The following CSMD2 variants were observed in gnomAD, a reference collection of about 807,000 sequenced individuals.
CSMD2 encodes the protein CUB and Sushi multiple domains 2.
Under a neutral mutation model 398.5 loss-of-function variants are expected in CSMD2, and 130 were observed. That is an observed-to-expected ratio of 0.33 (90% CI 0.28 to 0.38). The LOEUF (loss-of-function observed/expected upper bound fraction) is 0.38. CSMD2 is among the 10% of genes least tolerant of loss of function. The pLI is 1.00. For missense variants in CSMD2, 3,829 were observed against 4,764.9 expected (o/e 0.80, Z 5.78); for synonymous variants, 1,828 against 1,908.5 (o/e 0.96, Z 1.10).
chr1:33,719,834 G>A (rs1245358438), intron 19 of CSMD2, among the ~76,000 whole-genome samples: 1 of 152,160 alleles, frequency 6.6e-6, no homozygotes, highest in Non-Finnish European at 1.5e-5. Flanking sequence ...TATATGCAAA[G>A]CACACAGCAT....
chr1:34,143,278 G>A (rs1482579399), intron 1 of CSMD2, among the ~76,000 whole-genome samples: 4 of 152,008 alleles, frequency 2.6e-5, no homozygotes, highest in Non-Finnish European at 4.4e-5. Flanking sequence ...AGCCTCCCAG[G>A]CCATTAACAA....
intron 2 of CSMD2, among the ~76,000 whole-genome samples, chr1:34,048,243 C>T (rs1398529360): frequency 6.6e-6 from 1 of 152,210 alleles, no homozygotes; most frequent in East Asian, 1.9e-4. Context: ...TGCACAGGTG[C>T]TGCCTTCCAT....
chr1:33,897,728 C>T (rs570629602), intron 5 of CSMD2, among the ~76,000 whole-genome samples: 6 of 152,258 alleles, frequency 3.9e-5, no homozygotes, highest in East Asian at 1.9e-4. Context: ...AGATGGGGAG[C>T]GGCAACAGCT....
chr1:33,670,146 C>T (rs1229392472), intron 25 of CSMD2, among the ~76,000 whole-genome samples: 3 of 152,204 alleles, frequency 2.0e-5, no homozygotes, highest in Non-Finnish European at 4.4e-5. Context: ...TTTCCACAGG[C>T]TTCTCCTTGT....
intron 16 of CSMD2, 21 bp from the exon 17 acceptor site, chr1:33,725,557 A>G: frequency 6.2e-7 from 1 of 1,611,314 alleles, no homozygotes; most frequent in Non-Finnish European, 8.5e-7. Context: ...ACAGAAATGA[A>G]GCCTTCTTGA....
intron 10 of CSMD2, among the ~76,000 whole-genome samples, chr1:33,801,469 A>C (rs957427197): frequency 6.6e-6 from 1 of 152,084 alleles, no homozygotes; most frequent in Non-Finnish European, 1.5e-5. Context: ...CCTGAATCTC[A>C]AGCCTCTGGG....
chr1:33,869,468 C>T (rs1640292758), intron 5 of CSMD2: 3 of 152,196 alleles, frequency 2.0e-5, no homozygotes, highest in Admixed American at 2.0e-4. Context: ...GGGAATACTT[C>T]TTCCTGGGCC....
chr1:33,684,419 C>T (rs544934917), intron 25 of CSMD2, among the ~76,000 whole-genome samples: 1 of 152,310 alleles, frequency 6.6e-6, no homozygotes, highest in Non-Finnish European at 1.5e-5. Context: ...CAGATCTCTG[C>T]AGGGAAAGCA....
chr1:33,622,977 C>A (rs998250935), intron 36 of CSMD2, among the ~76,000 whole-genome samples: 1 of 152,208 alleles, frequency 6.6e-6, no homozygotes, highest in Non-Finnish European at 1.5e-5. Flanking sequence ...AAGTGCTGAA[C>A]CATACTGTGA....
chr1:34,016,043 G>A (rs77041811), intron 3 of CSMD2, among the ~76,000 whole-genome samples: 1,815 of 149,844 alleles, frequency 0.012, 39 homozygotes, highest in African/African-American at 0.041. Context: ...GTGTGTGTGT[G>A]TATGTGTGTA....
chr1:33,912,447 C>A (rs1479217654), intron 5 of CSMD2, among the ~76,000 whole-genome samples: 1 of 150,942 alleles, frequency 6.6e-6, no homozygotes, highest in African/African-American at 2.4e-5. Context: ...GGCACTTCCA[C>A]TGGCCCCCAA....
At chr1:33,742,585 C>CCCT (rs1557824966) in intron 14 of CSMD2, among the ~76,000 whole-genome samples, 1 of 140,822 alleles carries the variant, frequency 7.1e-6, no homozygotes, top group African/African-American at 2.7e-5. Flanking sequence ...CTGCCCCCCC[C>CCCT]CCCCCAACCC....
rs142545025 is a variant in CSMD2 at position 34,149,696 on chromosome 1, C to T, written c.187+15215G>A. ...TGCGTGCCTTTGGGGCTGGTGCCTT[C>T]CCAGGCTCTTCCAGGGGGCTGCCTA... is the stretch of plus-strand genomic sequence containing the variant. On this transcript the variant is annotated intron_variant, in intron 1 of 70. Transcript: ENST00000373381. Among the ~76,000 whole-genome samples the T allele has an allele frequency of 1.1e-3, 172 of 152,338 alleles. 1 individual carries two copies. The highest frequency in any genetic ancestry group is 0.01 in the Middle Eastern group (3 of 294).
At chr1:34,046,436 C>T (rs1244083822) in intron 2 of CSMD2, among the ~76,000 whole-genome samples, 1 of 152,036 alleles carries the variant, frequency 6.6e-6, no homozygotes. Context: ...TTTCTTTTAC[C>T]CATGGAGCAC....
intron 1 of CSMD2, among the ~76,000 whole-genome samples, chr1:34,091,997 G>T (rs561598564): frequency 6.6e-6 from 1 of 152,222 alleles, no homozygotes; most frequent in East Asian, 1.9e-4. Context: ...TCATTATAAA[G>T]CTATTATAGA....
chr1:34,165,736 T>C, upstream of CSMD2: 1 of 1,613,660 alleles, frequency 6.2e-7, no homozygotes, highest in Non-Finnish European at 8.5e-7. Context: ...TCCCCAAGTC[T>C]TGGCTCTTAC....
intron 2 of CSMD2, among the ~76,000 whole-genome samples, chr1:34,059,910 T>G (rs947630988): frequency 6.6e-6 from 1 of 152,320 alleles, no homozygotes; most frequent in Middle Eastern, 3.4e-3. Flanking sequence ...ATCTCATCTG[T>G]GTTCATTCAA....
intron 2 of CSMD2, among the ~76,000 whole-genome samples, chr1:34,079,556 C>T (rs1297451479): frequency 1.3e-5 from 2 of 152,256 alleles, no homozygotes; most frequent in Non-Finnish European, 1.5e-5. Context: ...GCCTGACCCC[C>T]TAAATTCTCA....
Position 33,605,353 on chromosome 1 carries a change from G to C in CSMD2, c.6461C>G (p.Thr2154Ser). The C allele has an allele frequency of 6.2e-7, 1 of 1,614,208 alleles. No individual in the cohort carries two copies. The highest frequency in any genetic ancestry group is 8.5e-7 in the Non-Finnish European group (1 of 1,180,044). Residue 2154 changes from threonine to serine, a missense_variant, in exon 42 of 71, where the codon ACT (threonine) becomes AGT (serine). Around this residue, in one of 5 missense-constraint regions of CSMD2, gnomAD observed 723 missense variants for 758.6 expected, o/e 0.95. Coordinates refer to ENST00000373381, the MANE Select transcript of CSMD2 (RefSeq NM_001281956.2). ...TTGACACGTGAGGACAGGGTGGCCA[G>C]TCAATTGATACCCCGGGAGGCACTC... is the stretch of plus-strand genomic sequence containing the variant. ...TFECLPGYQLTGHPVLTCQHG... is the reference protein window; with the variant it reads ...TFECLPGYQLSGHPVLTCQHG...
Sources: allele counts gnomAD v4.1 joint callset (sites outside exome capture counted in the v4.1 genomes callset), GRCh38; gene constraint gnomAD v4.1.1; regional missense constraint gnomAD v4.1.1; transcripts MANE v1.5; gene names NCBI Gene and HGNC (gene_info 2026-07-23, HGNC 2026-07-21).